DIAPH2: variants seen among roughly 807,000 people sequenced by gnomAD.
DIAPH2 encodes diaphanous related formin 2, also known as protein diaphanous homolog 2.
In DIAPH2, 35 loss-of-function variants were observed where a neutral mutation model predicts 92.7. The ratio of observed to expected loss-of-function variants is 0.38; its 90% confidence interval spans 0.29 to 0.50. DIAPH2 has a LOEUF of 0.50. Among genes scored for constraint, DIAPH2 ranks in the 20% least tolerant of loss-of-function variants. The pLI is 0.94. For missense variants in DIAPH2, 701 were observed against 819.5 expected (o/e 0.86, Z 1.77); for synonymous variants, 301 against 280.4 (o/e 1.07, Z -0.73).
intron 5 of DIAPH2, among the ~76,000 whole-genome samples, chrX:96,885,911 G>T (rs2065258877): frequency 9.0e-6 from 1 of 111,597 alleles, no homozygotes; most frequent in East Asian, 2.8e-4. Flanking sequence ...TTTTTAGGAC[G>T]TTAGGGAAAC....
intron 4 of DIAPH2, among the ~76,000 whole-genome samples, chrX:96,875,596 A>T (rs753104123): frequency 9.4e-4 from 105 of 111,199 alleles, no homozygotes; most frequent in African/African-American, 3.3e-3. Flanking sequence ...TATTATTTTC[A>T]TCCTCTGAAA....
chrX:97,264,712 G>A (rs1228410447), intron 23 of DIAPH2, among the ~76,000 whole-genome samples: 7 of 112,339 alleles, frequency 6.2e-5, no homozygotes, highest in African/African-American at 1.6e-4. Flanking sequence ...TCGGCTGGGC[G>A]CAGTGGCTCA....
intron 22 of DIAPH2, among the ~76,000 whole-genome samples, chrX:97,173,624 G>C (rs2067469783): frequency 9.0e-6 from 1 of 111,272 alleles, no homozygotes; most frequent in Admixed American, 9.6e-5. Flanking sequence ...GTGAAAAAAG[G>C]GCTGGACCTG....
At chrX:96,982,755 T>C (rs775692918) in intron 17 of DIAPH2, among the ~76,000 whole-genome samples, 44 of 112,572 alleles carry the variant, frequency 3.9e-4, no homozygotes, top group Admixed American at 2.3e-3. Context: ...AATGATTGAC[T>C]GCATTAGCAA....
At chrX:97,118,773 T>C (rs150713868) in intron 21 of DIAPH2, among the ~76,000 whole-genome samples, 1 of 112,020 alleles carries the variant, frequency 8.9e-6, no homozygotes, top group Admixed American at 9.4e-5. Context: ...AAGAAGAATC[T>C]TGAAGGATAG....
chrX:96,694,962 T>G (rs1207542485), intron 1 of DIAPH2, among the ~76,000 whole-genome samples: 1 of 107,109 alleles, frequency 9.3e-6, no homozygotes. Flanking sequence ...TTTTTTTTTT[T>G]TTTGAGACAG....
At chrX:97,228,326 A>G (rs181782239) in intron 22 of DIAPH2, among the ~76,000 whole-genome samples, 7 of 111,839 alleles carry the variant, frequency 6.3e-5, no homozygotes, top group African/African-American at 2.3e-4. Flanking sequence ...CTGCAAATAC[A>G]TGAGGCCCTG....
At chrX:97,568,048 G>A (rs371458781) in intron 26 of DIAPH2, among the ~76,000 whole-genome samples, 172 of 101,581 alleles carry the variant, frequency 1.7e-3, no homozygotes, top group African/African-American at 5.7e-3. Context: ...CCTGGGAGGC[G>A]GAGGTTGCAA....
intron 4 of DIAPH2, among the ~76,000 whole-genome samples, chrX:96,831,878 C>T (rs1037959675): frequency 3.6e-5 from 4 of 111,019 alleles, no homozygotes; most frequent in African/African-American, 9.8e-5. Flanking sequence ...CACCATATGG[C>T]GAAAGGAAGT....
At chrX:96,855,412 C>T (rs890064701) in intron 4 of DIAPH2, among the ~76,000 whole-genome samples, 3 of 110,288 alleles carry the variant, frequency 2.7e-5, no homozygotes, top group South Asian at 7.5e-4. Flanking sequence ...AAATACAATA[C>T]GTACTAAAAA....
At chrX:97,207,758 G>C (rs1177291590) in intron 22 of DIAPH2, among the ~76,000 whole-genome samples, 6 of 111,615 alleles carry the variant, frequency 5.4e-5, no homozygotes, top group Non-Finnish European at 7.5e-5. Flanking sequence ...TTGCTTGTCA[G>C]TCATGATCCA....
chrX:97,013,820 G>A (rs933407700), intron 17 of DIAPH2, among the ~76,000 whole-genome samples: 17 of 111,725 alleles, frequency 1.5e-4, no homozygotes, highest in African/African-American at 5.2e-4. Context: ...TTGGGGCAGG[G>A]GCATGAGCTA....
chrX:96,961,483 T>C lies in DIAPH2; in HGVS notation c.1935+3335T>C, dbSNP rs778817307. 3.7e-5 allele frequency among the ~76,000 whole-genome samples: 4 copies of C among 108,157 alleles called. No homozygotes were observed. In the South Asian group the frequency reaches 1.6e-3, roughly 44 times the overall value. The allele number at this position is 108,157 out of a possible 115,157, so 93.9% of individuals were successfully genotyped here. ...TTCAAAAAAAAAAAACCTAACTTTTTGTTTTGTTGCTCTTTTGTATTATAT... is the reference window on the plus strand; with the variant it reads ...TTCAAAAAAAAAAAACCTAACTTTTCGTTTTGTTGCTCTTTTGTATTATAT... On this transcript the variant is annotated intron_variant, in intron 16 of 26. Transcript: ENST00000324765.
At chrX:96,910,990 G>C (rs2065465793) in intron 5 of DIAPH2, among the ~76,000 whole-genome samples, 1 of 111,122 alleles carries the variant, frequency 9.0e-6, no homozygotes, top group Non-Finnish European at 1.9e-5. Flanking sequence ...TGGAGTTGAG[G>C]TTACTTTCTG....
chrX:97,415,358 TA>T (rs996254410), intron 25 of DIAPH2, among the ~76,000 whole-genome samples: 8 of 112,112 alleles, frequency 7.1e-5, no homozygotes, highest in Admixed American at 6.6e-4. Flanking sequence ...ACTGGGTATA[TA>T]ACCAAAGGAT....
intron 23 of DIAPH2, among the ~76,000 whole-genome samples, chrX:97,285,593 CT>C (rs767318269): frequency 4.7e-4 from 52 of 110,042 alleles, no homozygotes; most frequent in Admixed American, 2.6e-3. Flanking sequence ...ACAATTGTGT[CT>C]CCTGTTACTT....
intron 26 of DIAPH2, among the ~76,000 whole-genome samples, chrX:97,595,229 A>C (rs2071542883): frequency 1.8e-5 from 2 of 112,707 alleles, no homozygotes; most frequent in South Asian, 7.3e-4. Flanking sequence ...TATTTTGTGG[A>C]TGATGTGCTT....
intron 26 of DIAPH2, among the ~76,000 whole-genome samples, chrX:97,446,791 C>A (rs1409429496): frequency 9.2e-6 from 1 of 108,505 alleles, no homozygotes; most frequent in Non-Finnish European, 1.9e-5. Flanking sequence ...TACTACTTAA[C>A]TCCCATTCTT....
chrX:97,248,470 A>G (rs774937104), intron 23 of DIAPH2, among the ~76,000 whole-genome samples: 26 of 112,084 alleles, frequency 2.3e-4, no homozygotes, highest in African/African-American at 8.4e-4. Flanking sequence ...AATATATAAA[A>G]GGAAAACTTG....
Sources: gnomAD v4.1 joint callset for allele counts (sites outside exome capture counted in the v4.1 genomes callset) on GRCh38, gnomAD v4.1.1 for gene constraint, MANE v1.5 for transcripts, NCBI Gene and HGNC (gene_info 2026-07-23, HGNC 2026-07-21) for gene names.